The following NRXN3 variants were observed in gnomAD, a reference collection of about 807,000 sequenced individuals.
NRXN3 encodes the protein neurexin 3, also known as neurexin III.
A neutral mutation model predicts 137.6 loss-of-function variants in NRXN3; 32 were observed. The observed-to-expected ratio is 0.23, with a 90% CI of 0.18 to 0.31. NRXN3 has a LOEUF of 0.31. Ranked by LOEUF, NRXN3 falls within the 10% of genes least tolerant of loss-of-function variation. The probability of loss-of-function intolerance (pLI) is 1.00; values close to 1 mark genes in which losing one functional copy is unlikely to be tolerated. For synonymous variants in NRXN3, 798 were observed against 784.5 expected (o/e 1.02, Z -0.29); for missense variants, 1,574 against 2,062.5 (o/e 0.76, Z 4.59).
intron 4 of NRXN3, among the ~76,000 whole-genome samples, chr14:78,498,093 C>G (rs768916791): frequency 1.3e-5 from 2 of 152,116 alleles, no homozygotes; most frequent in African/African-American, 2.4e-5. Context: ...GTAGGTGTGT[C>G]TCTAGCACCT....
intron 8 of NRXN3, among the ~76,000 whole-genome samples, chr14:78,727,712 G>T (rs2098492661): frequency 6.6e-6 from 1 of 152,100 alleles, no homozygotes; most frequent in South Asian, 2.1e-4. Flanking sequence ...TGCAGCCTGG[G>T]CAACAAGAGC....
At chr14:79,443,218 G>A (rs1447315344) in intron 15 of NRXN3, among the ~76,000 whole-genome samples, 1 of 152,202 alleles carries the variant, frequency 6.6e-6, no homozygotes, top group Non-Finnish European at 1.5e-5. Flanking sequence ...AGGAAATTAT[G>A]AAATGCATGT....
chr14:79,095,965 A>G (rs1298446732), intron 15 of NRXN3, among the ~76,000 whole-genome samples: 1 of 152,130 alleles, frequency 6.6e-6, no homozygotes, highest in Non-Finnish European at 1.5e-5. Flanking sequence ...GCTAGATTCT[A>G]GAAAATTTTA....
At chr14:79,839,958 T>C (rs2099352391) in intron 20 of NRXN3, among the ~76,000 whole-genome samples, 1 of 151,198 alleles carries the variant, frequency 6.6e-6, no homozygotes, top group Admixed American at 6.6e-5. Flanking sequence ...CCTTGTAACA[T>C]TTCTGGAAGC....
chr14:78,776,372 A>G (rs966928479), intron 8 of NRXN3, among the ~76,000 whole-genome samples: 1 of 129,006 alleles, frequency 7.8e-6, no homozygotes, highest in African/African-American at 2.9e-5. Flanking sequence ...ATCCTTATAT[A>G]ACATAGAGAC....
At chr14:79,757,440 T>G (rs1603465902) in intron 19 of NRXN3, among the ~76,000 whole-genome samples, 2 of 152,302 alleles carry the variant, frequency 1.3e-5, no homozygotes, top group East Asian at 3.9e-4. Flanking sequence ...TTTCCTGATA[T>G]TATTGAGAAG....
chr14:79,512,165 C>A (rs1035487570), intron 16 of NRXN3, among the ~76,000 whole-genome samples: 1 of 152,202 alleles, frequency 6.6e-6, no homozygotes, highest in African/African-American at 2.4e-5. Context: ...TCCCAAAGGG[C>A]TGAAATTACA....
chr14:79,263,875 G>A (rs1347789370), intron 15 of NRXN3, among the ~76,000 whole-genome samples: 1 of 152,092 alleles, frequency 6.6e-6, no homozygotes, highest in Non-Finnish European at 1.5e-5. Flanking sequence ...TTGGAGGTGG[G>A]CAAAGAGGTG....
At chr14:79,182,158 T>C (rs1015157270) in intron 15 of NRXN3, among the ~76,000 whole-genome samples, 2 of 152,110 alleles carry the variant, frequency 1.3e-5, no homozygotes, top group Non-Finnish European at 2.9e-5. Flanking sequence ...ACCTAGCATG[T>C]GTGAAGACGA....
At chr14:78,173,709 C>CTTTTTT (rs10638142) in intron 1 of NRXN3, among the ~76,000 whole-genome samples, 3,551 of 69,234 alleles carry the variant, frequency 0.051, 687 homozygotes, top group Admixed American at 0.078. Context: ...TTTTTCCTTG[C>CTTTTTT]TTTTTTTTTT....
intron 16 of NRXN3, among the ~76,000 whole-genome samples, chr14:79,549,328 G>T (rs2097351782): frequency 6.6e-6 from 1 of 152,120 alleles, no homozygotes; most frequent in African/African-American, 2.4e-5. Context: ...TCTACCAGCT[G>T]TGTGATCTTT....
intron 4 of NRXN3, among the ~76,000 whole-genome samples, chr14:78,635,455 A>G (rs1471965211): frequency 6.6e-6 from 1 of 152,166 alleles, no homozygotes; most frequent in Non-Finnish European, 1.5e-5. Flanking sequence ...TATGTGTGCT[A>G]CTGTATATAA....
chr14:79,374,557 C>A (rs2094205207), intron 15 of NRXN3, among the ~76,000 whole-genome samples: 1 of 151,872 alleles, frequency 6.6e-6, no homozygotes. Context: ...ACTTTCCAAT[C>A]TGACTCTGGT....
chr14:78,361,788 C>T (rs1287961673), intron 4 of NRXN3, among the ~76,000 whole-genome samples: 1 of 152,166 alleles, frequency 6.6e-6, no homozygotes. Flanking sequence ...ACAGCTCTCA[C>T]CTCGACTTCC....
chr14:78,580,743 C>T (rs894051089), intron 4 of NRXN3, among the ~76,000 whole-genome samples: 1 of 152,174 alleles, frequency 6.6e-6, no homozygotes, highest in African/African-American at 2.4e-5. Flanking sequence ...CACTTGTATA[C>T]ATGATTCATA....
At chr14:79,719,681 C>T (rs539165232) in intron 19 of NRXN3, among the ~76,000 whole-genome samples, 34 of 152,144 alleles carry the variant, frequency 2.2e-4, no homozygotes, top group African/African-American at 5.8e-4. Flanking sequence ...TAAAAGGTCC[C>T]GCAGATTCCC....
intron 15 of NRXN3, among the ~76,000 whole-genome samples, chr14:79,381,336 A>G (rs971856083): frequency 6.6e-4 from 101 of 151,946 alleles, no homozygotes; most frequent in African/African-American, 2.3e-3. Flanking sequence ...TGCCTGTGGG[A>G]CATAATATCT....
intron 8 of NRXN3, among the ~76,000 whole-genome samples, chr14:78,725,074 G>A (rs1271796239): frequency 1.3e-5 from 2 of 152,198 alleles, no homozygotes; most frequent in Non-Finnish European, 2.9e-5. Context: ...AACCCCAACA[G>A]AGCCTTCTAA....
chr14:79,294,953 C>G (rs972230549), intron 15 of NRXN3, among the ~76,000 whole-genome samples: 5 of 152,096 alleles, frequency 3.3e-5, no homozygotes, highest in Admixed American at 2.6e-4. Flanking sequence ...ACAGACCTTC[C>G]TTAGCTTCTG....
Sources: gnomAD v4.1 joint callset for allele counts (sites outside exome capture counted in the v4.1 genomes callset) on GRCh38, gnomAD v4.1.1 for gene constraint, MANE v1.5 for transcripts, NCBI Gene and HGNC (gene_info 2026-07-23, HGNC 2026-07-21) for gene names.